Variants in MYCBP2 observed in about 807,000 individuals in gnomAD.
The protein encoded by MYCBP2 is E3 ubiquitin-protein ligase MYCBP2.
In MYCBP2, 120 loss-of-function variants were observed where a neutral mutation model predicts 525.3. The ratio of observed to expected loss-of-function variants is 0.23; its 90% CI spans 0.20 to 0.27. The LOEUF (loss-of-function observed/expected upper bound fraction) is 0.27. MYCBP2 is among the 10% of genes least tolerant of loss of function. The probability of loss-of-function intolerance (pLI) is 1.00; values close to 1 mark genes in which losing one functional copy is unlikely to be tolerated. For missense variants in MYCBP2, 4,149 were observed against 5,657.1 expected (o/e 0.73, Z 8.55); for synonymous variants, 1,894 against 1,955.8 (o/e 0.97, Z 0.83).
chr13:77,133,301 T>C (rs1473524270), intron 52 of MYCBP2, among the ~76,000 whole-genome samples: 4 of 152,150 alleles, frequency 2.6e-5, no homozygotes, highest in African/African-American at 9.7e-5. Flanking sequence ...GAGGATTAAA[T>C]GAGATAATTA....
intron 4 of MYCBP2, among the ~76,000 whole-genome samples, chr13:77,278,008 T>G (rs962461301): frequency 1.3e-5 from 2 of 152,212 alleles, no homozygotes; most frequent in Non-Finnish European, 2.9e-5. Flanking sequence ...GTCACTGATA[T>G]GAAAGGCAAG....
chr13:77,055,974 A>G (rs564780511), intron 79 of MYCBP2, among the ~76,000 whole-genome samples: 34 of 152,326 alleles, frequency 2.2e-4, no homozygotes, highest in African/African-American at 8.2e-4. Context: ...CAAATGGGAC[A>G]CAGAGCATGA....
chr13:77,076,106 C>A (rs1300481662), intron 68 of MYCBP2: 1 of 151,948 alleles, frequency 6.6e-6, no homozygotes, highest in Non-Finnish European at 1.5e-5. Context: ...TTAGTCAGGA[C>A]CGAAAAAGTA....
intron 13 of MYCBP2, among the ~76,000 whole-genome samples, chr13:77,259,041 G>T (rs538269737): frequency 1.3e-5 from 2 of 152,246 alleles, no homozygotes; most frequent in South Asian, 4.1e-4. Flanking sequence ...TATCACTTGA[G>T]GTCAGGAGTT....
At chr13:77,197,172 C>G (rs990453827) in intron 26 of MYCBP2, among the ~76,000 whole-genome samples, 2 of 152,010 alleles carry the variant, frequency 1.3e-5, no homozygotes, top group Middle Eastern at 3.2e-3. Context: ...TTGACAAGAG[C>G]AATGTCAGTG....
chr13:77,109,102 T>C (rs778745070), intron 55 of MYCBP2, among the ~76,000 whole-genome samples: 1 of 152,232 alleles, frequency 6.6e-6, no homozygotes, highest in South Asian at 2.1e-4. Flanking sequence ...GTAGGGAAAC[T>C]GTTCCATTGT....
rs2044511329 is a variant in MYCBP2, at chr13:77,087,420, T to C, written c.10875+64A>G. The C allele has an allele frequency of 4.6e-6, 6 of 1,303,524 alleles. No individual in the cohort carries two copies. In the East Asian group the frequency reaches 1.2e-4, roughly 27 times the overall value. 80.7% of individuals were successfully genotyped at this position (1,303,524 alleles called of 1,614,324 possible). On this transcript the variant is annotated intron_variant, in intron 62 of 82. Coordinates refer to ENST00000544440, the MANE Select transcript of MYCBP2 (RefSeq NM_015057.5). ...AATGATTTCATGCAAATTATTGGAC[T>C]ATTTGAAGGTATACTACCAGTTTCT...
In MYCBP2 at chr13:77,326,410, CGCGCGGCATGGGGCGCAAGGAA is replaced by C; in HGVS notation, c.302+42_302+63del. 6.9e-7 allele frequency: 1 copy of C among 1,454,582 alleles called. No homozygotes were observed. The highest frequency in any genetic ancestry group is 9.1e-7 in the Non-Finnish European group (1 of 1,100,446). The allele number at this position is 1,454,582 out of a possible 1,614,324, so 90.1% of individuals were successfully genotyped here. On this transcript the variant is annotated intron_variant, in intron 1 of 82. Transcript: ENST00000544440. This position sits in a 1 kb window ranked among gnomAD's most constrained non-coding sequence, Gnocchi z 4.2. ...GCAAGCACACACACACGCGGGTGCA[CGCGCGGCATGGGGCGCAAGGAA>C]GGGCGGCATGGGGCGCAAGGAAGGG...
In MYCBP2 at chr13:77,263,986, A is replaced by G. The variant is rs769631107; in HGVS notation, c.1374T>C (p.Gly458=). 1.2e-6 allele frequency: 2 copies of G among 1,612,422 alleles called. No individual in the cohort carries two copies. Among genetic ancestry groups the G allele is most frequent in the South Asian group, 2.2e-5 (2 of 90,946 alleles). Reference sequence around the variant, plus strand: ...CTCCATCAGTGAATAAAATATTTTGACCTTCAGTGTGGCAATCTGTGCAAA... The same window carrying G: ...CTCCATCAGTGAATAAAATATTTTGGCCTTCAGTGTGGCAATCTGTGCAAA... ...TVMLPDCHTE[G]QNILFTDGEY... The change falls in exon 9 of 83, where the codon GGT becomes GGC. Residue 458 remains glycine, a synonymous_variant. Transcript: ENST00000544440.
At chr13:77,221,419 C>A (rs1452462931) in intron 20 of MYCBP2, among the ~76,000 whole-genome samples, 1 of 152,156 alleles carries the variant, frequency 6.6e-6, no homozygotes, top group East Asian at 1.9e-4. Flanking sequence ...CAGCGGCCAA[C>A]ACACCTCAGT....
intron 61 of MYCBP2, 148 bp from the exon 62 acceptor site, chr13:77,087,781 ATTTG>A (rs1594405343): frequency 2.7e-6 from 2 of 733,430 alleles, no homozygotes; most frequent in East Asian, 5.6e-5. Context: ...TAGTTTTACT[ATTTG>A]TTTTTCTTTT....
intron 52 of MYCBP2, among the ~76,000 whole-genome samples, chr13:77,138,243 C>A (rs914302884): frequency 1.3e-5 from 2 of 152,082 alleles, no homozygotes; most frequent in Admixed American, 1.3e-4. Flanking sequence ...ATAAAACATA[C>A]ACAAAAGCAT....
chr13:77,237,266 T>C (rs143036573), intron 17 of MYCBP2, among the ~76,000 whole-genome samples: 3 of 152,312 alleles, frequency 2.0e-5, no homozygotes, highest in Middle Eastern at 3.4e-3. Context: ...TCTTCTTGTA[T>C]TGTAAAATGA....
intron 1 of MYCBP2, among the ~76,000 whole-genome samples, chr13:77,298,588 G>C (rs538342601): frequency 5.3e-5 from 8 of 152,118 alleles, no homozygotes; most frequent in Non-Finnish European, 1.2e-4. Context: ...AGGAAGTTGA[G>C]AGCTACAGCT....
intron 63 of MYCBP2, among the ~76,000 whole-genome samples, chr13:77,082,351 A>C (rs998116079): frequency 6.6e-6 from 1 of 152,286 alleles, no homozygotes; most frequent in East Asian, 1.9e-4. Context: ...TGCCATACTA[A>C]TTCATCAGGG....
intron 71 of MYCBP2, among the ~76,000 whole-genome samples, chr13:77,066,384 G>A (rs2040202867): frequency 6.6e-6 from 1 of 152,202 alleles, no homozygotes; most frequent in Non-Finnish European, 1.5e-5. Context: ...TGCGGATAAT[G>A]TGGAGCTTAA....
At chr13:77,062,735 A>C in intron 73 of MYCBP2, 38 bp from the exon 74 acceptor site, 1 of 1,531,496 alleles carries the variant, frequency 6.5e-7, no homozygotes, top group Non-Finnish European at 9.0e-7. Flanking sequence ...CTGAATTTTT[A>C]GGAAAGACTT....
chr13:77,225,951 G>C (rs2066195592), intron 18 of MYCBP2, among the ~76,000 whole-genome samples: 1 of 152,144 alleles, frequency 6.6e-6, no homozygotes, highest in South Asian at 2.1e-4. Flanking sequence ...GATATTGTTA[G>C]TACTAGCCAT....
chr13:77,261,977 T>A, intron 11 of MYCBP2, 76 bp downstream of exon 11: 1 of 1,169,114 alleles, frequency 8.6e-7, no homozygotes, highest in South Asian at 1.4e-5. Context: ...GCAAACTATA[T>A]AAACTAATCA....
Sources: gnomAD v4.1 joint callset for allele counts (sites outside exome capture counted in the v4.1 genomes callset) on GRCh38, gnomAD v4.1.1 for gene constraint, Gnocchi (gnomAD v3.1) non-coding constraint, MANE v1.5 for transcripts, NCBI Gene and HGNC (gene_info 2026-07-23, HGNC 2026-07-21) for gene names.